TBC1D32: variants seen among roughly 807,000 people sequenced by gnomAD.
TBC1D32 encodes the protein protein broad-minded.
In TBC1D32, 151 loss-of-function variants were observed where a neutral mutation model predicts 170.3. The observed-to-expected ratio is 0.89, with a 90% confidence interval of 0.78 to 1.01. The LOEUF is 1.01. Among genes scored for constraint, TBC1D32 ranks in the 50% least tolerant of loss-of-function variants. The probability of loss-of-function intolerance (pLI) is 0.00; values close to 1 mark genes in which losing one functional copy is unlikely to be tolerated. For missense variants in TBC1D32, 1,464 were observed against 1,457.1 expected (o/e 1.00, Z -0.08); for synonymous variants, 498 against 488.0 (o/e 1.02, Z -0.27).
Position 121,303,767 on chromosome 6 carries a change from A to T in TBC1D32, c.936-6T>A, listed in dbSNP as rs1302758708. ...CCACAATTTCTTCCATATACCTTAAAGTTTGGGAAAAAAGAAATACAATTA... is the reference window on the plus strand; with the variant it reads ...CCACAATTTCTTCCATATACCTTAATGTTTGGGAAAAAAGAAATACAATTA... On this transcript the variant is annotated splice_region_variant and splice_polypyrimidine_tract_variant and intron_variant, in intron 8 of 31. Transcript: ENST00000398212. The T allele has an allele frequency of 6.6e-7, 1 of 1,512,214 alleles. No homozygotes were observed. The highest frequency in any genetic ancestry group is 9.0e-7 in the Non-Finnish European group (1 of 1,116,754). The allele number at this position is 1,512,214 out of a possible 1,614,324, so 93.7% of individuals were successfully genotyped here. A position where few individuals can be genotyped will look rare whatever the true frequency, so the allele number is the denominator to read the frequency against.
chr6:121,319,808 A>C (rs1268193709), intron 2 of TBC1D32, among the ~76,000 whole-genome samples: 1 of 152,180 alleles, frequency 6.6e-6, no homozygotes, highest in Non-Finnish European at 1.5e-5. Flanking sequence ...TCATATCATC[A>C]ATATCAAGAG....
At chr6:121,125,487 T>C (rs999575860) in intron 26 of TBC1D32, among the ~76,000 whole-genome samples, 4 of 151,918 alleles carry the variant, frequency 2.6e-5, no homozygotes, top group Admixed American at 2.0e-4. Context: ...TGATAGGCTA[T>C]CTCGTTGGCT....
intron 21 of TBC1D32, among the ~76,000 whole-genome samples, chr6:121,220,019 T>C (rs1022220619): frequency 6.6e-6 from 1 of 152,240 alleles, no homozygotes; most frequent in African/African-American, 2.4e-5. Context: ...GTCATCCACC[T>C]ATCTTTCTCT....
At chr6:121,184,361 C>A (rs951520395) in intron 22 of TBC1D32, among the ~76,000 whole-genome samples, 1 of 151,794 alleles carries the variant, frequency 6.6e-6, no homozygotes, top group African/African-American at 2.4e-5. Flanking sequence ...GAGAGGCTTG[C>A]CATCTCAGTA....
chr6:121,080,695 A>G lies in TBC1D32; in HGVS notation c.*76T>C. 1 of 1,506,878 alleles carries G rather than the reference A, an allele frequency of 6.6e-7. No individual in the cohort carries two copies. Among genetic ancestry groups the G allele is most frequent in the Non-Finnish European group, 8.9e-7 (1 of 1,123,942 alleles). The allele number at this position is 1,506,878 out of a possible 1,614,324, so 93.3% of individuals were successfully genotyped here. ...ATTCACAAAGTAAATGTTGTTACAG[A>G]CACAGAAAAACATCAAGCCCCCCTG... On this transcript the variant is annotated 3_prime_UTR_variant, in exon 32 of 32. Coordinates refer to ENST00000398212, the MANE Select transcript of TBC1D32 (RefSeq NM_152730.6).
At chr6:121,095,065 T>C (rs1055543837) in intron 30 of TBC1D32, among the ~76,000 whole-genome samples, 3 of 152,176 alleles carry the variant, frequency 2.0e-5, no homozygotes, top group Non-Finnish European at 4.4e-5. Context: ...TTATCAATAG[T>C]AATGAAATGG....
At chr6:121,161,122 G>T in intron 22 of TBC1D32, 66 bp from the exon 23 acceptor site, 1 of 1,228,418 alleles carries the variant, frequency 8.1e-7, no homozygotes, top group Non-Finnish European at 1.2e-6. Flanking sequence ...TTTAAATCAA[G>T]TCTCTGGATT....
intron 14 of TBC1D32, among the ~76,000 whole-genome samples, 184 bp downstream of exon 14, chr6:121,281,357 CATA>C (rs143180375): frequency 0.015 from 2,211 of 151,416 alleles, 43 homozygotes; most frequent in African/African-American, 0.051. Flanking sequence ...CTCTGCATAT[CATA>C]ATAAATCAAT....
At chr6:121,237,648 T>C (rs2128352514) in intron 20 of TBC1D32, among the ~76,000 whole-genome samples, 1 of 152,146 alleles carries the variant, frequency 6.6e-6, no homozygotes, top group East Asian at 1.9e-4. Flanking sequence ...GAAGGCCATG[T>C]AGAAATTTTT....
chr6:121,206,216 GAAAA>G (rs74509676), intron 21 of TBC1D32, among the ~76,000 whole-genome samples: 2 of 74,588 alleles, frequency 2.7e-5, no homozygotes, highest in African/African-American at 8.6e-5. Context: ...TCTCAGAAAA[GAAAA>G]AAAAAAAAAA....
At position 121,081,030 on chromosome 6, in the gene TBC1D32, T is replaced by C. The variant is rs557955701; in HGVS notation, c.3655-140A>G. On this transcript the variant is annotated intron_variant, in intron 31 of 31. Coordinates refer to ENST00000398212, the MANE Select transcript of TBC1D32 (RefSeq NM_152730.6). ...GTTTATGTTGCCAGTAAATGTGTCA[T>C]TGCTTTTTATTTAGTGAGCTGTGCA... The C allele has an allele frequency of 2.1e-5, 19 of 887,810 alleles. No homozygotes were observed. In the South Asian group the frequency reaches 3.0e-4, roughly 14 times the overall value. 55.0% of individuals were successfully genotyped at this position (887,810 alleles called of 1,614,324 possible). A position where few individuals can be genotyped will look rare whatever the true frequency, so the allele number is the denominator to read the frequency against.
chr6:121,334,260 T>G lies in TBC1D32; in HGVS notation c.155+16A>C. 1 of 1,612,150 alleles carries G rather than the reference T, an allele frequency of 6.2e-7. No individual in the cohort carries two copies. The highest frequency in any genetic ancestry group is 1.1e-5 in the South Asian group (1 of 90,924). On this transcript the variant is annotated intron_variant, in intron 1 of 31. Transcript: ENST00000398212. ...ATCGATGGTTTATAGGCTTAAAACA[T>G]CAAAAGCAATTTTACTTGTGAAAAT...
intron 24 of TBC1D32, chr6:121,139,959 T>C (rs953265001): frequency 2.0e-5 from 3 of 152,266 alleles, no homozygotes; most frequent in East Asian, 1.9e-4. Context: ...ACTTTATATA[T>C]AGTAATACCT....
intron 22 of TBC1D32, among the ~76,000 whole-genome samples, chr6:121,171,758 AT>A (rs1787041529): frequency 6.6e-6 from 1 of 152,188 alleles, no homozygotes; most frequent in Admixed American, 6.6e-5. Context: ...TATTCACTAC[AT>A]TTTTATATGT....
intron 31 of TBC1D32, among the ~76,000 whole-genome samples, chr6:121,083,643 T>C (rs987103723): frequency 2.6e-5 from 4 of 152,112 alleles, no homozygotes; most frequent in Admixed American, 2.0e-4. Context: ...ATCTAGGACA[T>C]TGATTAAAAT....
chr6:121,329,334 A>C lies in TBC1D32; in HGVS notation c.155+4942T>G, dbSNP rs181941094. 2.3e-3 allele frequency among the ~76,000 whole-genome samples: 348 copies of C among 152,314 alleles called. 1 individual carries two copies. Among genetic ancestry groups the C allele is most frequent in the African/African-American group, 8.1e-3 (336 of 41,576 alleles). On this transcript the variant is annotated intron_variant, in intron 1 of 31. Coordinates refer to ENST00000398212, the MANE Select transcript of TBC1D32 (RefSeq NM_152730.6). ...TCATTGGTACAAGTTTGTTTCAAAA[A>C]AGTCATCCTTTTAGCTATTTAAAAA... is the stretch of plus-strand genomic sequence containing the variant.
chr6:121,285,172 A>G (rs1043461770), intron 12 of TBC1D32, among the ~76,000 whole-genome samples: 2 of 152,148 alleles, frequency 1.3e-5, no homozygotes, highest in African/African-American at 4.8e-5. Context: ...GGTCCACAAA[A>G]CCATGCCCAG....
chr6:121,209,261 T>C (rs929622261), intron 21 of TBC1D32, among the ~76,000 whole-genome samples: 1 of 152,170 alleles, frequency 6.6e-6, no homozygotes, highest in Non-Finnish European at 1.5e-5. Context: ...CCACAATCTA[T>C]GCCATAAGCC....
intron 1 of TBC1D32, among the ~76,000 whole-genome samples, chr6:121,328,837 A>G (rs1810823259): frequency 6.6e-6 from 1 of 152,240 alleles, no homozygotes. Flanking sequence ...CTCACCAAAT[A>G]TACTATGCAT....
Sources: allele counts gnomAD v4.1 joint callset (sites outside exome capture counted in the v4.1 genomes callset), GRCh38; gene constraint gnomAD v4.1.1; transcripts MANE v1.5; gene names NCBI Gene and HGNC (gene_info 2026-07-23, HGNC 2026-07-21).